The following RHOV variants were observed in gnomAD, a reference collection of about 807,000 sequenced individuals.
The protein encoded by RHOV is rho-related GTP-binding protein RhoV.
In RHOV, 6 loss-of-function variants were observed where a neutral mutation model predicts 20.2. The observed-to-expected ratio is 0.30, with a 90% confidence interval of 0.16 to 0.59. The LOEUF (loss-of-function observed/expected upper bound fraction) is 0.59, where lower values mean the gene tolerates loss of function less well. RHOV is among the 20% of genes least tolerant of loss of function. RHOV has a pLI of 0.89. For synonymous variants in RHOV, 136 were observed against 142.3 expected (o/e 0.96, Z 0.31); for missense variants, 275 against 319.4 (o/e 0.86, Z 1.06).
In RHOV at chr15:40,873,521, T is replaced by G; in HGVS notation, c.268-20A>C. ...ATCCTCCTGGGGTGGGAAGGCCAGG[T>G]GGTAAGGATTAGCCCCCCGACACAT... is the stretch of plus-strand genomic sequence containing the variant. On this transcript the variant is annotated intron_variant, in intron 2 of 2. Transcript: ENST00000220507. 2 of 1,591,002 alleles carry G rather than the reference T, an allele frequency of 1.3e-6. No homozygotes were observed. The highest frequency in any genetic ancestry group is 1.7e-6 in the Non-Finnish European group (2 of 1,167,288).
At position 40,873,957 on chromosome 15, in the gene RHOV, CCG is replaced by C. The variant is rs955793878; in HGVS notation, c.181_182del (p.Arg61AlafsTer21). On this transcript the variant is annotated frameshift_variant, in exon 1 of 3. Transcript: ENST00000220507. LOFTEE classifies it high-confidence loss of function. ...CAGAGAAGGTGTCCAGCGCAGTGGG[CCG>C]GTAGCGCGCGGGGTACCCATTGCAG... ...YTCNGYPARY[R>X]PTALDTFSVQ... The C allele has an allele frequency of 6.2e-7, 1 of 1,610,858 alleles. No homozygotes were observed. The highest frequency in any genetic ancestry group is 8.5e-7 in the Non-Finnish European group (1 of 1,179,012).
In RHOV at chr15:40,874,220, TCTGA is replaced by T; in HGVS notation, c.-85_-82del. The T allele has an allele frequency of 1.8e-6, 1 of 562,106 alleles. No homozygotes were observed. The allele number at this position is 562,106 out of a possible 1,614,324, so 34.8% of individuals were successfully genotyped here. On this transcript the variant is annotated 5_prime_UTR_variant, in exon 1 of 3. Transcript: ENST00000220507. ...GGTGAAGCAGGTCCCGCTGGCTGCC[TCTGA>T]CTGAATGGGTCCAGGCTGGGCGAGT...
intron 1 of RHOV, 70 bp from the exon 2 acceptor site, chr15:40,873,812 G>T: frequency 6.4e-7 from 1 of 1,564,622 alleles, no homozygotes. Context: ...CCACCTCGGG[G>T]CCTGCTCCAG....
At chr15:40,873,640 C>A (rs374385804) in intron 2 of RHOV, 44 bp downstream of exon 2, 3 of 1,607,304 alleles carry the variant, frequency 1.9e-6, no homozygotes, top group Non-Finnish European at 2.6e-6. Context: ...CAGCCTCCAG[C>A]CCATCTCCCC....
rs1470786549 is a variant in RHOV at position 40,873,338 on chromosome 15, T to G, written c.431A>C (p.Gln144Pro). 3 of 1,613,238 alleles carry G rather than the reference T, an allele frequency of 1.9e-6. No homozygotes were observed. Among genetic ancestry groups the G allele is most frequent in the South Asian group, 2.2e-5 (2 of 91,064 alleles). The change falls in exon 3 of 3, where the codon CAG becomes CCG. Residue 144 changes from glutamine to proline, a missense_variant. By Grantham distance (76) the Gln-to-Pro change is moderately conservative. Coordinates refer to ENST00000220507, the MANE Select transcript of RHOV (RefSeq NM_133639.4). The stretch of plus-strand genomic sequence containing the variant: ...GTTGACATCGTCCCTCAGGTCGGCC[T>G]GGGTGCCCACCAGCAGCACAGGCGC... ...PQAPVLLVGT[Q>P]ADLRDDVNVL...
chr15:40,873,057 C>G lies in RHOV; in HGVS notation c.*1G>C, dbSNP rs146446256. 5 of 1,611,760 alleles carry G rather than the reference C, an allele frequency of 3.1e-6. No individual in the cohort carries two copies. In the Admixed American group the frequency reaches 8.3e-5, roughly 27 times the overall value. On this transcript the variant is annotated 3_prime_UTR_variant, in exon 3 of 3. Coordinates refer to ENST00000220507, the MANE Select transcript of RHOV (RefSeq NM_133639.4). Reference sequence around the variant, plus strand: ...ACTACTTGCTATGCAGCCATAGCTGCTCAAACGAAGCAGAAGAACTTCTTC... The same window carrying G: ...ACTACTTGCTATGCAGCCATAGCTGGTCAAACGAAGCAGAAGAACTTCTTC...
Position 40,872,285 on chromosome 15 carries a change from G to C in RHOV, c.*773C>G, listed in dbSNP as rs1269152567. ...TCTAGGCTGTGTGACCTTGAGGAAA[G>C]GGATGATCCCCAACCCGGTCCTCCT... On this transcript the variant is annotated 3_prime_UTR_variant, in exon 3 of 3. Transcript: ENST00000220507. The C allele has an allele frequency of 6.6e-6, 1 of 152,526 alleles. No individual in the cohort carries two copies. The highest frequency in any genetic ancestry group is 1.5e-5 in the Non-Finnish European group (1 of 68,180). The allele number at this position is 152,526 out of a possible 1,614,324, so 9.4% of individuals were successfully genotyped here.
In RHOV at chr15:40,872,748, G is replaced by A. The variant is rs745912632; in HGVS notation, c.*310C>T. 4 of 303,246 alleles carry A rather than the reference G, an allele frequency of 1.3e-5. No individual in the cohort carries two copies. The highest frequency in any genetic ancestry group is 2.5e-5 in the Non-Finnish European group (4 of 162,724). 18.8% of individuals were successfully genotyped at this position (303,246 alleles called of 1,614,324 possible). A position where few individuals can be genotyped will look rare whatever the true frequency, so the allele number is the denominator to read the frequency against. Reference sequence around the variant, plus strand: ...CAGCCAGGCTGACCTGAGGGCCCAGGACAAGAAACTGGGTTCCCAAACTGC... The same window carrying A: ...CAGCCAGGCTGACCTGAGGGCCCAGAACAAGAAACTGGGTTCCCAAACTGC... On this transcript the variant is annotated 3_prime_UTR_variant, in exon 3 of 3. Coordinates refer to ENST00000220507, the MANE Select transcript of RHOV (RefSeq NM_133639.4).
Position 40,873,073 on chromosome 15 carries a change from G to T in RHOV, c.696C>A (p.Phe232Leu). 4 of 1,613,760 alleles carry T rather than the reference G, an allele frequency of 2.5e-6. No individual in the cohort carries two copies. Among genetic ancestry groups the T allele is most frequent in the South Asian group, 1.1e-5 (1 of 91,044 alleles). Reference protein sequence around the residue: ...RTLSRCRWKKFFCFV With the variant: ...RTLSRCRWKKLFCFV ...CCATAGCTGCTCAAACGAAGCAGAA[G>T]AACTTCTTCCAGCGGCAGCGGGAGA... Residue 232 changes from phenylalanine to leucine, a missense_variant, in exon 3 of 3, where the codon TTC (phenylalanine) becomes TTA (leucine). Physicochemically the swap from Phe to Leu is conservative, Grantham distance 22. Coordinates refer to ENST00000220507, the MANE Select transcript of RHOV (RefSeq NM_133639.4).
In RHOV at chr15:40,872,999, C is replaced by T. The variant is rs1263184352; in HGVS notation, c.*59G>A. 36 of 1,388,608 alleles carry T rather than the reference C, an allele frequency of 2.6e-5. No homozygotes were observed. In the East Asian group the frequency reaches 6.2e-4, roughly 24 times the overall value. The allele number at this position is 1,388,608 out of a possible 1,614,324, so 86.0% of individuals were successfully genotyped here. On this transcript the variant is annotated 3_prime_UTR_variant, in exon 3 of 3. Transcript: ENST00000220507. ...AGTAGCTGCCGCAAAGGCCCGGGTG[C>T]CCCAGGTCTCAGAAGTCTTTGGCCT...
At chr15:40,873,623 G>A in intron 2 of RHOV, 61 bp downstream of exon 2, 2 of 1,593,828 alleles carry the variant, frequency 1.3e-6, no homozygotes, top group Non-Finnish European at 1.7e-6. Flanking sequence ...TCCATATGGG[G>A]TCCTCCCAGC....
intron 1 of RHOV, 67 bp from the exon 2 acceptor site, chr15:40,873,809 G>C (rs1222887079): frequency 1.3e-6 from 2 of 1,574,002 alleles, no homozygotes; most frequent in East Asian, 2.2e-5. Flanking sequence ...GCGCCACCTC[G>C]GGGCCTGCTC....
chr15:40,874,182 C>G lies in RHOV; in HGVS notation c.-43G>C. The stretch of plus-strand genomic sequence containing the variant: ...GCAGAGGGGCCAGCCCGGGTCTCGG[C>G]TTCGCTGCGCTCGGTGAAGCAGGTC... On this transcript the variant is annotated 5_prime_UTR_variant, in exon 1 of 3. Transcript: ENST00000220507. 3.6e-6 allele frequency: 3 copies of G among 837,998 alleles called. No homozygotes were observed. The highest frequency in any genetic ancestry group is 1.7e-6 in the Non-Finnish European group (1 of 605,964). 51.9% of individuals were successfully genotyped at this position (837,998 alleles called of 1,614,324 possible).
Position 40,873,051 on chromosome 15 carries a change from T to C in RHOV, c.*7A>G, listed in dbSNP as rs943098449. The C allele has an allele frequency of 6.2e-7, 1 of 1,609,632 alleles. No individual in the cohort carries two copies. Among genetic ancestry groups the C allele is most frequent in the African/African-American group, 1.3e-5 (1 of 75,022 alleles). ...CTGCCTACTACTTGCTATGCAGCCA[T>C]AGCTGCTCAAACGAAGCAGAAGAAC... is the stretch of plus-strand genomic sequence containing the variant. On this transcript the variant is annotated 3_prime_UTR_variant, in exon 3 of 3. Transcript: ENST00000220507.
chr15:40,873,233 C>G lies in RHOV; in HGVS notation c.536G>C (p.Arg179Pro). ...TGAGCACTCAAGGTAGCAGCAGGCT[C>G]GGATCTTCTCGGCCAGACCCTGAGC... ...PQAQGLAEKI[R>P]ACCYLECSAL... is the part of the protein sequence containing the mutation. Residue 179 changes from arginine to proline, a missense_variant, in exon 3 of 3, where the codon CGA (arginine) becomes CCA (proline). Coordinates refer to ENST00000220507, the MANE Select transcript of RHOV (RefSeq NM_133639.4). 6.2e-7 allele frequency: 1 copy of G among 1,614,206 alleles called. No homozygotes were observed. Among genetic ancestry groups the G allele is most frequent in the Non-Finnish European group, 8.5e-7 (1 of 1,180,044 alleles).
At position 40,872,337 on chromosome 15, in the gene RHOV, C is replaced by G. The variant is rs1319048165; in HGVS notation, c.*721G>C. ...CAGGTTCTAATTTGCAGCTCCTCCC[C>G]CTCCTTTTGCTGGGCCTTGACTCTC... On this transcript the variant is annotated 3_prime_UTR_variant, in exon 3 of 3. Coordinates refer to ENST00000220507, the MANE Select transcript of RHOV (RefSeq NM_133639.4). 6.5e-6 allele frequency: 1 copy of G among 152,802 alleles called. No homozygotes were observed. The highest frequency in any genetic ancestry group is 2.4e-5 in the African/African-American group (1 of 41,480). The allele number at this position is 152,802 out of a possible 1,614,324, so 9.5% of individuals were successfully genotyped here.
chr15:40,873,979 T>C lies in RHOV; in HGVS notation c.161A>G (p.Asn54Ser), dbSNP rs778861445. 6.2e-7 allele frequency: 1 copy of C among 1,611,282 alleles called. No homozygotes were observed. The highest frequency in any genetic ancestry group is 1.1e-5 in the South Asian group (1 of 91,002). Reference protein sequence around the residue: ...KSSLIVSYTCNGYPARYRPTA... With the variant: ...KSSLIVSYTCSGYPARYRPTA... ...GGGCCGGTAGCGCGCGGGGTACCCA[T>C]TGCAGGTGTAGCTGACGATGAGGCT... The change falls in exon 1 of 3, where the codon AAT (asparagine) becomes AGT (serine). Residue 54 changes from asparagine (N) to serine (S), a missense_variant. Coordinates refer to ENST00000220507, the MANE Select transcript of RHOV (RefSeq NM_133639.4).
intron 1 of RHOV, 50 bp from the exon 2 acceptor site, chr15:40,873,792 C>A (rs1891922186): frequency 6.3e-7 from 1 of 1,593,600 alleles, no homozygotes; most frequent in East Asian, 2.2e-5. Context: ...CGTCCTGGGC[C>A]GCACCAGCGC....
intron 1 of RHOV, 50 bp from the exon 2 acceptor site, chr15:40,873,792 C>T: frequency 1.3e-6 from 2 of 1,593,602 alleles, no homozygotes; most frequent in South Asian, 1.1e-5. Context: ...CGTCCTGGGC[C>T]GCACCAGCGC....
Sources: allele counts gnomAD v4.1 joint callset, GRCh38; gene constraint gnomAD v4.1.1; transcripts MANE v1.5; gene names NCBI Gene and HGNC (gene_info 2026-07-23, HGNC 2026-07-21).